MAGI2: variants seen among roughly 807,000 people sequenced by gnomAD.
MAGI2 encodes membrane-associated guanylate kinase, WW and PDZ domain-containing protein 2.
In MAGI2, 35 loss-of-function variants were observed where a neutral mutation model predicts 133.3. The ratio of observed to expected loss-of-function variants is 0.26; its 90% CI spans 0.20 to 0.35. MAGI2 has a LOEUF of 0.35. Among genes scored for constraint, MAGI2 ranks in the 10% least tolerant of loss-of-function variants. The pLI is 1.00. For missense variants in MAGI2, 1,636 were observed against 1,863.4 expected (o/e 0.88, Z 2.25); for synonymous variants, 729 against 710.6 (o/e 1.03, Z -0.41).
At chr7:79,376,832 G>T (rs1309549737) in intron 1 of MAGI2, among the ~76,000 whole-genome samples, 1 of 150,522 alleles carries the variant, frequency 6.6e-6, no homozygotes, top group East Asian at 1.9e-4. Flanking sequence ...GTGTGTGTGT[G>T]TGTGTGTGGG....
rs1008826695 is a variant in MAGI2 at position 78,787,036 on chromosome 7, G to C, written c.419-159797C>G. ...GCGATCTCGGCTCACTGCAACCTCC[G>C]ACTCTGGTTTAAGCGATTTTCCTGC... is the stretch of plus-strand genomic sequence containing the variant. On this transcript the variant is annotated intron_variant, in intron 2 of 21. Coordinates refer to ENST00000354212, the MANE Select transcript of MAGI2 (RefSeq NM_012301.4). Among the ~76,000 whole-genome samples the C allele has an allele frequency of 2.0e-5, 3 of 151,318 alleles. No homozygotes were observed. The South Asian group carries it at 6.3e-4, about 32-fold the overall frequency.
At chr7:79,079,292 T>C (rs373876084) in intron 1 of MAGI2, among the ~76,000 whole-genome samples, 2 of 152,314 alleles carry the variant, frequency 1.3e-5, no homozygotes, top group South Asian at 4.1e-4. Context: ...GTGAATATTG[T>C]AACAATTCAA....
rs568369940 is a variant in MAGI2 at position 78,975,101 on chromosome 7, C to G, written c.418+31989G>C. On this transcript the variant is annotated intron_variant, in intron 2 of 21. Coordinates refer to ENST00000354212, the MANE Select transcript of MAGI2 (RefSeq NM_012301.4). ...GAGAGTTGGAGACTCCAAAATCCAT[C>G]TGCCAGTGATTGAAAAACCAAGCAA... 2.0e-5 allele frequency among the ~76,000 whole-genome samples: 3 copies of G among 151,804 alleles called. No individual in the cohort carries two copies. In the East Asian group the frequency reaches 5.9e-4, roughly 30 times the overall value.
At chr7:78,383,265 C>T (rs1322243869) in intron 6 of MAGI2, among the ~76,000 whole-genome samples, 4 of 152,118 alleles carry the variant, frequency 2.6e-5, no homozygotes, top group African/African-American at 9.7e-5. Context: ...TGCATCCTCA[C>T]CAACATCTGG....
intron 9 of MAGI2, among the ~76,000 whole-genome samples, chr7:78,312,487 G>C (rs893764524): frequency 4.6e-5 from 7 of 151,974 alleles, no homozygotes; most frequent in Admixed American, 3.3e-4. Flanking sequence ...TCTGACAAGG[G>C]ACTAATATCC....
At chr7:79,324,222 C>T (rs890645026) in intron 1 of MAGI2, among the ~76,000 whole-genome samples, 1 of 151,402 alleles carries the variant, frequency 6.6e-6, no homozygotes, top group African/African-American at 2.4e-5. Flanking sequence ...AAGGGTCATG[C>T]TAATCTCTGT....
intron 20 of MAGI2, among the ~76,000 whole-genome samples, chr7:78,104,506 G>A (rs369099551): frequency 7.9e-4 from 120 of 152,030 alleles, no homozygotes; most frequent in African/African-American, 2.8e-3. Context: ...ACAGGCATGA[G>A]CCACCGCGCC....
At chr7:78,104,475 G>T (rs980599574) in intron 20 of MAGI2, among the ~76,000 whole-genome samples, 10 of 151,720 alleles carry the variant, frequency 6.6e-5, no homozygotes, top group African/African-American at 2.4e-4. Flanking sequence ...GCCCGCCTCG[G>T]CCTCCCAAAG....
chr7:79,115,472 T>C (rs1370558235), intron 1 of MAGI2, among the ~76,000 whole-genome samples: 1 of 152,232 alleles, frequency 6.6e-6, no homozygotes, highest in Non-Finnish European at 1.5e-5. Context: ...ATAGTTATAA[T>C]TTTACTTATA....
chr7:78,787,925 T>C (rs1403183985), intron 2 of MAGI2, among the ~76,000 whole-genome samples: 3 of 152,222 alleles, frequency 2.0e-5, no homozygotes, highest in African/African-American at 7.2e-5. Context: ...TCCCATAGTT[T>C]GATTTAGTCT....
intron 2 of MAGI2, among the ~76,000 whole-genome samples, chr7:78,937,274 A>G (rs960494805): frequency 2.6e-5 from 4 of 152,150 alleles, no homozygotes; most frequent in Admixed American, 2.0e-4. Flanking sequence ...AAAAAAAGAA[A>G]TCTGTTAGTC....
chr7:78,025,273 A>G (rs1186280094), intron 21 of MAGI2, among the ~76,000 whole-genome samples: 1 of 151,804 alleles, frequency 6.6e-6, no homozygotes, highest in East Asian at 1.9e-4. Context: ...ATCCTTCAGG[A>G]CTCTTAATAT....
intron 1 of MAGI2, among the ~76,000 whole-genome samples, chr7:79,293,617 T>G (rs1563085458): frequency 6.6e-6 from 1 of 152,242 alleles, no homozygotes; most frequent in African/African-American, 2.4e-5. Context: ...TAATTTACAA[T>G]GACATTATAA....
At chr7:78,632,662 A>T (rs1158619081) in intron 2 of MAGI2, among the ~76,000 whole-genome samples, 1 of 152,238 alleles carries the variant, frequency 6.6e-6, no homozygotes, top group Non-Finnish European at 1.5e-5. Context: ...TCAAAGGATA[A>T]ACATGGCAGT....
rs1476073151 is a variant in MAGI2 at position 78,018,340 on chromosome 7, CAG to C, written c.*973_*974del. ...CAAAGTGCAAATGAAGTCATGGAGA[CAG>C]GGTTTAAAATAAGACAATAAAATAA... On this transcript the variant is annotated 3_prime_UTR_variant, in exon 22 of 22. Coordinates refer to ENST00000354212, the MANE Select transcript of MAGI2 (RefSeq NM_012301.4). 1 of 152,526 alleles carries C rather than the reference CAG, an allele frequency of 6.6e-6. No homozygotes were observed. The allele number at this position is 152,526 out of a possible 1,614,324, so 9.4% of individuals were successfully genotyped here.
chr7:79,271,438 C>T (rs1585389724), intron 1 of MAGI2, among the ~76,000 whole-genome samples: 1 of 152,064 alleles, frequency 6.6e-6, no homozygotes, highest in Admixed American at 6.6e-5. Context: ...GCACCTCTGA[C>T]ACATACTAAA....
At chr7:79,364,927 C>T (rs959393722) in intron 1 of MAGI2, among the ~76,000 whole-genome samples, 1 of 150,814 alleles carries the variant, frequency 6.6e-6, no homozygotes, top group Non-Finnish European at 1.5e-5. Context: ...AATACTTTTG[C>T]TCTGGTAAAA....
At chr7:78,935,472 A>C (rs1800441080) in intron 2 of MAGI2, among the ~76,000 whole-genome samples, 1 of 152,142 alleles carries the variant, frequency 6.6e-6, no homozygotes, top group Admixed American at 6.6e-5. Context: ...AGTAGAAGTA[A>C]AAAGACAAAT....
At chr7:78,597,257 T>A (rs1442833882) in intron 3 of MAGI2, among the ~76,000 whole-genome samples, 1 of 152,058 alleles carries the variant, frequency 6.6e-6, no homozygotes, top group Admixed American at 6.6e-5. Context: ...ATATTCCAAT[T>A]TGAGAAATGC....
Sources: gnomAD v4.1 joint callset for allele counts (sites outside exome capture counted in the v4.1 genomes callset) on GRCh38, gnomAD v4.1.1 for gene constraint, MANE v1.5 for transcripts, NCBI Gene and HGNC (gene_info 2026-07-23, HGNC 2026-07-21) for gene names.